The following PARP4 variants were observed in gnomAD, a reference collection of about 807,000 sequenced individuals.
PARP4 encodes the protein protein mono-ADP-ribosyltransferase PARP4.
Under a neutral mutation model 187.7 loss-of-function variants are expected in PARP4, and 120 were observed. The ratio of observed to expected loss-of-function variants is 0.64; its 90% CI spans 0.55 to 0.74. The LOEUF (loss-of-function observed/expected upper bound fraction) is 0.74. PARP4 is among the 30% of genes least tolerant of loss of function. PARP4 has a pLI of 0.00. For synonymous variants in PARP4, 654 were observed against 740.9 expected, an observed-to-expected ratio of 0.88 and a Z score of 1.90; for missense variants, 1,836 against 2,070.5, an observed-to-expected ratio of 0.89 and a Z score of 2.20.
intron 1 of PARP4, among the ~76,000 whole-genome samples, chr13:24,506,403 C>T (rs1237471679): frequency 6.6e-6 from 1 of 152,152 alleles, no homozygotes; most frequent in Non-Finnish European, 1.5e-5. Context: ...AAGAGGACCC[C>T]AGCAGGTTGC....
chr13:24,493,052 A>T (rs1325113072), intron 8 of PARP4, among the ~76,000 whole-genome samples: 7 of 152,240 alleles, frequency 4.6e-5, no homozygotes, highest in African/African-American at 1.7e-4. Flanking sequence ...TTAATTCCAC[A>T]GAGGAAAATT....
Position 24,437,549 on chromosome 13 carries a change from AT to A in PARP4, c.3667-2076del, listed in dbSNP as rs1296849030. 5.3e-5 allele frequency among the ~76,000 whole-genome samples: 8 copies of A among 152,100 alleles called. No homozygotes were observed. In the East Asian group the frequency reaches 1.5e-3, roughly 29 times the overall value. On this transcript the variant is annotated intron_variant, in intron 30 of 33. Coordinates refer to ENST00000381989, the MANE Select transcript of PARP4 (RefSeq NM_006437.4). ...AATGACTAAAATCTCAATTAAAAAA[AT>A]AAAAGATGTGAACAGATAACACCCA...
intron 9 of PARP4, among the ~76,000 whole-genome samples, chr13:24,491,899 A>G (rs1018780528): frequency 5.3e-5 from 8 of 152,190 alleles, no homozygotes; most frequent in African/African-American, 1.7e-4. Context: ...ACTATTACAG[A>G]TGGGATGCCA....
chr13:24,503,295 C>T (rs1313628776), intron 2 of PARP4, among the ~76,000 whole-genome samples: 1 of 152,234 alleles, frequency 6.6e-6, no homozygotes, highest in African/African-American at 2.4e-5. Context: ...TGGTGAGTGA[C>T]GACAGTGCGC....
chr13:24,438,300 G>T (rs1428078893), intron 30 of PARP4, among the ~76,000 whole-genome samples: 1 of 152,112 alleles, frequency 6.6e-6, no homozygotes, highest in Non-Finnish European at 1.5e-5. Context: ...CAACAGGTTC[G>T]GGGCTCCCAT....
intron 27 of PARP4, among the ~76,000 whole-genome samples, chr13:24,445,660 A>G (rs878967345): frequency 6.6e-6 from 1 of 152,194 alleles, no homozygotes; most frequent in Admixed American, 6.5e-5. Context: ...TATCCTTTAT[A>G]ATATTCTTTA....
chr13:24,464,773 CA>C, intron 17 of PARP4, among the ~76,000 whole-genome samples: 1 of 152,092 alleles, frequency 6.6e-6, no homozygotes, highest in East Asian at 1.9e-4. Flanking sequence ...AAAATTGCAG[CA>C]AAAGCAAAAA....
intron 1 of PARP4, among the ~76,000 whole-genome samples, chr13:24,504,094 C>T (rs1246603750): frequency 6.6e-6 from 1 of 151,980 alleles, no homozygotes; most frequent in Non-Finnish European, 1.5e-5. Context: ...GAACATGGAA[C>T]CATTTATTTC....
intron 15 of PARP4, among the ~76,000 whole-genome samples, chr13:24,471,700 G>A (rs1199568859): frequency 6.6e-6 from 1 of 152,018 alleles, no homozygotes; most frequent in African/African-American, 2.4e-5. Flanking sequence ...AGTTATTTTG[G>A]GGCAAACTTC....
chr13:24,491,490 T>C (rs1225775608), intron 9 of PARP4, among the ~76,000 whole-genome samples: 5 of 152,242 alleles, frequency 3.3e-5, no homozygotes, highest in African/African-American at 9.6e-5. Context: ...TATTTTCTCA[T>C]TGACCAGTTC....
At chr13:24,456,588 T>TA (rs906134471) in intron 20 of PARP4, 110 bp from the exon 21 acceptor site, 11 of 969,308 alleles carry the variant, frequency 1.1e-5, no homozygotes, top group African/African-American at 3.3e-5. Flanking sequence ...ATAACTCTAT[T>TA]AAGAATCAAC....
At chr13:24,466,134 T>C (rs986804096) in intron 17 of PARP4, among the ~76,000 whole-genome samples, 4 of 152,238 alleles carry the variant, frequency 2.6e-5, no homozygotes, top group Non-Finnish European at 5.9e-5. Flanking sequence ...AATTAGTGGC[T>C]ACCATATTTA....
Position 24,443,633 on chromosome 13 carries a change from C to A in PARP4, c.3447+17G>T. The A allele has an allele frequency of 6.5e-7, 1 of 1,534,930 alleles. No individual in the cohort carries two copies. The highest frequency in any genetic ancestry group is 9.0e-7 in the Non-Finnish European group (1 of 1,109,938). On this transcript the variant is annotated intron_variant, in intron 28 of 33. Transcript: ENST00000381989. The stretch of plus-strand genomic sequence containing the variant: ...CAAGAAGAATGTCTAATCATTTTTA[C>A]AATGAAAAGAACAAACCTCATGACT...
intron 1 of PARP4, among the ~76,000 whole-genome samples, chr13:24,511,941 G>A (rs1593666752): frequency 1.3e-5 from 2 of 152,106 alleles, no homozygotes; most frequent in Non-Finnish European, 2.9e-5. Context: ...GTAGCTCTAC[G>A]CACACAAACA....
rs1473068901 is a variant in PARP4, at chr13:24,435,138, T to A, written c.4003A>T (p.Ser1335Cys). Reference sequence around the variant, plus strand: ...GAGGCAAAAGACAAGGAAGCAGGACTGTGAGCGCGGGCAGTCGGGGGAAGA... The same window carrying A: ...GAGGCAAAAGACAAGGAAGCAGGACAGTGAGCGCGGGCAGTCGGGGGAAGA... ...SYLPPTARAH[S>C]PASLSFASYR... is the part of the protein sequence containing the mutation. Residue 1335 changes from serine to cysteine, a missense_variant, in exon 31 of 34, where the codon AGT becomes TGT. Physicochemically the swap from Ser to Cys is moderately radical, Grantham distance 112. This residue lies in a region of PARP4 where 450 missense variants were observed against 439.2 expected (regional missense o/e 1.02). Transcript: ENST00000381989. 1 of 1,614,028 alleles carries A rather than the reference T, an allele frequency of 6.2e-7. No homozygotes were observed. The highest frequency in any genetic ancestry group is 1.3e-5 in the African/African-American group (1 of 74,904).
intron 15 of PARP4, among the ~76,000 whole-genome samples, chr13:24,474,181 T>C (rs1593627949): frequency 1.3e-5 from 2 of 152,276 alleles, no homozygotes; most frequent in African/African-American, 4.8e-5. Context: ...TGGGCCGCTG[T>C]CTTTCTCTTG....
chr13:24,460,168 C>T (rs1039259712), intron 17 of PARP4, 32 bp from the exon 18 acceptor site: 2 of 1,589,352 alleles, frequency 1.3e-6, no homozygotes, highest in Non-Finnish European at 8.6e-7. Flanking sequence ...TAGCTTCCAA[C>T]TTGAAAGCAT....
chr13:24,427,938 T>C (rs1262417582), intron 32 of PARP4, among the ~76,000 whole-genome samples: 2 of 152,026 alleles, frequency 1.3e-5, no homozygotes, highest in African/African-American at 4.8e-5. Context: ...AAGAATAATA[T>C]AATAAATAAT....
At chr13:24,498,012 A>G in intron 6 of PARP4, 104 bp downstream of exon 6, 2 of 710,460 alleles carry the variant, frequency 2.8e-6, no homozygotes, top group South Asian at 3.8e-5. Flanking sequence ...GCCTGAGCTA[A>G]GACAACAGGT....
Sources: gnomAD v4.1 joint callset for allele counts (sites outside exome capture counted in the v4.1 genomes callset) on GRCh38, gnomAD v4.1.1 for gene constraint, gnomAD v4.1.1 regional missense constraint, MANE v1.5 for transcripts, NCBI Gene and HGNC (gene_info 2026-07-23, HGNC 2026-07-21) for gene names.